Variants in TDRD9 observed in about 807,000 individuals in gnomAD.
TDRD9 encodes tudor domain containing 9.
Under a neutral mutation model 172.6 loss-of-function variants are expected in TDRD9, and 124 were observed. The ratio of observed to expected loss-of-function variants is 0.72; its 90% CI spans 0.62 to 0.83. The LOEUF is 0.83. Ranked by LOEUF, TDRD9 falls within the 40% of genes least tolerant of loss-of-function variation. The pLI is 0.00. For synonymous variants in TDRD9, 619 were observed against 617.1 expected, an observed-to-expected ratio of 1.00 and a Z score of -0.05; for missense variants, 1,479 against 1,714.1, an observed-to-expected ratio of 0.86 and a Z score of 2.42.
At chr14:103,992,924 CAAA>C (rs35212615) in intron 9 of TDRD9, among the ~76,000 whole-genome samples, 2 of 58,866 alleles carry the variant, frequency 3.4e-5, no homozygotes, top group South Asian at 8.2e-4. Context: ...GACTCCATCT[CAAA>C]AAAAAAAAAA....
rs756144659 is a variant in TDRD9, at chr14:104,026,804, G to A, written c.3147G>A (p.Lys1049=). Residue 1049 remains lysine, a synonymous_variant, in exon 28 of 36, where the codon AAG becomes AAA. Transcript: ENST00000409874. The stretch of plus-strand genomic sequence containing the variant: ...TGAGCGGCTGCACCCTCCTTGTGAA[G>A]GTCTTCTCTGTGGTGCACAGCGTCC... ...SLVSGCTLLV[K]VFSVVHSVLH... is the part of the protein sequence containing the mutation. The A allele has an allele frequency of 1.9e-6, 3 of 1,614,038 alleles. No homozygotes were observed. The highest frequency in any genetic ancestry group is 2.5e-6 in the Non-Finnish European group (3 of 1,179,902).
intron 15 of TDRD9, 60 bp downstream of exon 15, chr14:104,005,465 C>T: frequency 6.4e-7 from 1 of 1,574,754 alleles, no homozygotes; most frequent in Non-Finnish European, 8.7e-7. Flanking sequence ...TACTGTGGCT[C>T]CCTCAGTCTG....
At chr14:103,955,875 T>C in intron 2 of TDRD9, 105 bp downstream of exon 2, 1 of 952,106 alleles carries the variant, frequency 1.1e-6, no homozygotes, top group Non-Finnish European at 1.6e-6. Context: ...CTCAGGAGGC[T>C]GAGGTGGGAG....
At chr14:104,022,022 G>T (rs1268141257) in intron 23 of TDRD9, 135 bp from the exon 24 acceptor site, 2 of 663,378 alleles carry the variant, frequency 3.0e-6, no homozygotes, top group Non-Finnish European at 5.2e-6. Context: ...ACATGTTATT[G>T]ATTAATTATA....
At chr14:104,020,610 TG>T (rs1032122064) in intron 23 of TDRD9, among the ~76,000 whole-genome samples, 5 of 152,008 alleles carry the variant, frequency 3.3e-5, no homozygotes, top group African/African-American at 7.2e-5. Flanking sequence ...GTGAAGAGGA[TG>T]GGGCGTGAAG....
chr14:103,932,722 C>T (rs188880038), intron 1 of TDRD9, among the ~76,000 whole-genome samples: 10 of 152,170 alleles, frequency 6.6e-5, no homozygotes, highest in African/African-American at 2.2e-4. Context: ...GGGTATTGCA[C>T]AGTTAAAATG....
intron 12 of TDRD9, 130 bp from the exon 13 acceptor site, chr14:103,998,494 A>T: frequency 1.5e-6 from 1 of 645,350 alleles, no homozygotes; most frequent in Non-Finnish European, 2.7e-6. Context: ...GTGCGTGGCC[A>T]AACGTTTCTG....
intron 9 of TDRD9, among the ~76,000 whole-genome samples, chr14:103,993,899 C>T (rs1372714144): frequency 2.0e-5 from 3 of 152,222 alleles, no homozygotes; most frequent in African/African-American, 7.2e-5. Context: ...GGCAAAAGCA[C>T]CTGCTAGCTT....
intron 32 of TDRD9, among the ~76,000 whole-genome samples, chr14:104,038,411 C>A (rs2035515288): frequency 6.6e-6 from 1 of 152,202 alleles, no homozygotes; most frequent in Non-Finnish European, 1.5e-5. Context: ...GCTACAGCAA[C>A]CTTCTTTGCC....
intron 13 of TDRD9, 111 bp from the exon 14 acceptor site, chr14:104,004,127 G>A: frequency 2.0e-6 from 1 of 505,708 alleles, no homozygotes; most frequent in Non-Finnish European, 3.7e-6. Flanking sequence ...TCTGGTGGAA[G>A]ATACTTAAGG....
At chr14:104,002,483 C>T (rs1054259608) in intron 13 of TDRD9, among the ~76,000 whole-genome samples, 2 of 152,132 alleles carry the variant, frequency 1.3e-5, no homozygotes, top group South Asian at 2.1e-4. Context: ...AGGAAAGTGA[C>T]GTGTAGAAAA....
intron 34 of TDRD9, among the ~76,000 whole-genome samples, chr14:104,049,118 G>GTATGTATGTA (rs1284132329): frequency 6.9e-5 from 3 of 43,346 alleles, no homozygotes; most frequent in Admixed American, 5.8e-4. Flanking sequence ...ATGTATGTAT[G>GTATGTATGTA]TATGTGTGTG....
chr14:103,994,952 A>G (rs943651358), intron 11 of TDRD9, among the ~76,000 whole-genome samples: 11 of 61,554 alleles, frequency 1.8e-4, no homozygotes, highest in Non-Finnish European at 3.3e-4. Context: ...CTGTCTCAAA[A>G]CAAAAAAAAA....
At chr14:103,987,133 C>T (rs775259133) in intron 8 of TDRD9, among the ~76,000 whole-genome samples, 4,850 of 149,074 alleles carry the variant, frequency 0.033, 167 homozygotes, top group African/African-American at 0.091. Flanking sequence ...TACACACACA[C>T]ACACACACAC....
intron 1 of TDRD9, among the ~76,000 whole-genome samples, chr14:103,938,651 A>G (rs1253370623): frequency 2.0e-5 from 3 of 151,220 alleles, no homozygotes; most frequent in East Asian, 1.9e-4. Flanking sequence ...GTTGGCCAGG[A>G]TGGTCTCAAT....
intron 21 of TDRD9, among the ~76,000 whole-genome samples, chr14:104,015,606 T>C: frequency 6.6e-6 from 1 of 152,132 alleles, no homozygotes; most frequent in East Asian, 1.9e-4. Flanking sequence ...CATCTGAGAG[T>C]ACCTTGCACA....
chr14:103,995,675 G>A, intron 11 of TDRD9, 75 bp from the exon 12 acceptor site: 3 of 1,325,178 alleles, frequency 2.3e-6, no homozygotes, highest in Non-Finnish European at 3.1e-6. Flanking sequence ...AATAATTTTT[G>A]CATTTTTGTA....
intron 1 of TDRD9, among the ~76,000 whole-genome samples, chr14:103,935,980 T>A (rs564374417): frequency 4.0e-4 from 59 of 146,938 alleles, no homozygotes; most frequent in African/African-American, 1.5e-3. Flanking sequence ...ATAATAATAA[T>A]TTTTTTTTAC....
chr14:103,964,759 G>C (rs1328790214), intron 3 of TDRD9, among the ~76,000 whole-genome samples: 1 of 152,134 alleles, frequency 6.6e-6, no homozygotes, highest in Non-Finnish European at 1.5e-5. Flanking sequence ...TCTTGACCTC[G>C]TGATCCGCCC....
Sources: allele counts gnomAD v4.1 joint callset (sites outside exome capture counted in the v4.1 genomes callset), GRCh38; gene constraint gnomAD v4.1.1; transcripts MANE v1.5; gene names NCBI Gene and HGNC (gene_info 2026-07-23, HGNC 2026-07-21).